AGBL4: variants seen among roughly 807,000 people sequenced by gnomAD.
AGBL4 encodes AGBL carboxypeptidase 4.
In AGBL4, 58 loss-of-function variants were observed where a neutral mutation model predicts 66.4. That is an observed-to-expected ratio of 0.87 (90% CI 0.71 to 1.09). The LOEUF (loss-of-function observed/expected upper bound fraction) is 1.09, where lower values mean the gene tolerates loss of function less well. AGBL4 is among the 50% of genes least tolerant of loss of function. AGBL4 has a pLI of 0.00. For synonymous variants in AGBL4, 234 were observed against 222.9 expected, an observed-to-expected ratio of 1.05 and a Z score of -0.44; for missense variants, 579 against 631.0, an observed-to-expected ratio of 0.92 and a Z score of 0.88.
At chr1:49,244,054 C>A (rs1651442844) in intron 4 of AGBL4, among the ~76,000 whole-genome samples, 2 of 151,632 alleles carry the variant, frequency 1.3e-5, no homozygotes, top group Non-Finnish European at 3.0e-5. Flanking sequence ...AGAGAAGACA[C>A]AACATAGTTC....
intron 1 of AGBL4, among the ~76,000 whole-genome samples, chr1:49,874,275 G>C (rs189370537): frequency 2.0e-4 from 31 of 152,148 alleles, no homozygotes; most frequent in Admixed American, 9.8e-4. Flanking sequence ...TTGCAGTCTT[G>C]GAGTAGGCAA....
At chr1:49,094,008 T>G (rs951387191) in intron 4 of AGBL4, among the ~76,000 whole-genome samples, 2 of 152,184 alleles carry the variant, frequency 1.3e-5, no homozygotes, top group Non-Finnish European at 2.9e-5. Flanking sequence ...TGTGTATAGC[T>G]GTGGATACAG....
At chr1:48,897,979 T>A (rs958061139) in intron 5 of AGBL4, among the ~76,000 whole-genome samples, 3 of 151,894 alleles carry the variant, frequency 2.0e-5, no homozygotes, top group Admixed American at 6.6e-5. Flanking sequence ...CCGGCTAATT[T>A]TTTTTGTATT....
chr1:49,075,585 C>A (rs1346807800), intron 4 of AGBL4, among the ~76,000 whole-genome samples: 1 of 152,000 alleles, frequency 6.6e-6, no homozygotes, highest in Admixed American at 6.6e-5. Flanking sequence ...TAAATGCAGG[C>A]AAACAGCAAT....
intron 3 of AGBL4, among the ~76,000 whole-genome samples, chr1:49,591,128 T>G (rs1220905873): frequency 6.6e-6 from 1 of 151,546 alleles, no homozygotes; most frequent in Non-Finnish European, 1.5e-5. Flanking sequence ...AAGCCCTCAA[T>G]CTAACATAAA....
intron 3 of AGBL4, among the ~76,000 whole-genome samples, chr1:49,400,434 T>G (rs1645060201): frequency 6.6e-6 from 1 of 152,172 alleles, no homozygotes; most frequent in African/African-American, 2.4e-5. Flanking sequence ...ATTGGTATTT[T>G]GATAGGGATT....
intron 3 of AGBL4, among the ~76,000 whole-genome samples, chr1:49,567,608 T>C (rs1241369830): frequency 6.6e-6 from 1 of 152,234 alleles, no homozygotes; most frequent in African/African-American, 2.4e-5. Context: ...TGGGTACATG[T>C]GCAGGTTTGT....
intron 3 of AGBL4, among the ~76,000 whole-genome samples, chr1:49,416,048 T>C (rs1006863710): frequency 6.6e-6 from 1 of 152,084 alleles, no homozygotes; most frequent in African/African-American, 2.4e-5. Flanking sequence ...CAGGGGTCAA[T>C]GTCAAAAATA....
chr1:49,888,889 C>A (rs938775630), intron 1 of AGBL4, among the ~76,000 whole-genome samples: 2 of 152,102 alleles, frequency 1.3e-5, no homozygotes, highest in Non-Finnish European at 2.9e-5. Flanking sequence ...AAAGAACTTA[C>A]TAAGCATGTA....
chr1:49,343,724 C>A (rs1262443029), intron 3 of AGBL4, among the ~76,000 whole-genome samples: 1 of 152,188 alleles, frequency 6.6e-6, no homozygotes, highest in Non-Finnish European at 1.5e-5. Context: ...ACCAAATCTA[C>A]TTCTGTCTGT....
chr1:49,877,303 G>C (rs936127529), intron 1 of AGBL4, among the ~76,000 whole-genome samples: 2 of 151,294 alleles, frequency 1.3e-5, no homozygotes, highest in African/African-American at 4.9e-5. Flanking sequence ...GTTTGTCATA[G>C]ATAGCTCTTA....
rs186739078 is a variant in AGBL4 at position 48,842,011 on chromosome 1, T to A, written c.634+25180A>T. On this transcript the variant is annotated intron_variant, in intron 6 of 13. Transcript: ENST00000371839. Reference sequence around the variant, plus strand: ...CAAAGACCTTACTTTTTAAATTCAGTTTACATTCTGACATGTATACAAATG... The same window carrying A: ...CAAAGACCTTACTTTTTAAATTCAGATTACATTCTGACATGTATACAAATG... 1.5e-4 allele frequency among the ~76,000 whole-genome samples: 23 copies of A among 152,322 alleles called. No homozygotes were observed. In the East Asian group the frequency reaches 3.5e-3, roughly 23 times the overall value.
chr1:49,201,887 G>T (rs922634573), intron 4 of AGBL4, among the ~76,000 whole-genome samples: 1 of 151,982 alleles, frequency 6.6e-6, no homozygotes, highest in Admixed American at 6.6e-5. Flanking sequence ...GCCAGAAAGA[G>T]AGCACATGTA....
intron 2 of AGBL4, among the ~76,000 whole-genome samples, chr1:49,749,450 A>G (rs2147832505): frequency 6.6e-6 from 1 of 152,132 alleles, no homozygotes; most frequent in East Asian, 1.9e-4. Context: ...TAATACTAAA[A>G]CTTTCCTTAT....
At chr1:49,501,495 A>G (rs908999391) in intron 3 of AGBL4, among the ~76,000 whole-genome samples, 1 of 151,610 alleles carries the variant, frequency 6.6e-6, no homozygotes, top group Non-Finnish European at 1.5e-5. Context: ...TATCAGTGGT[A>G]ATGTCTTTTC....
chr1:49,994,439 T>G (rs1333021702), intron 1 of AGBL4: 1 of 150,818 alleles, frequency 6.6e-6, no homozygotes, highest in Non-Finnish European at 1.5e-5. Flanking sequence ...AGGGCAGAGG[T>G]GTGGTAACAC....
At chr1:48,805,518 C>A (rs564465918) in intron 6 of AGBL4, among the ~76,000 whole-genome samples, 1 of 152,244 alleles carries the variant, frequency 6.6e-6, no homozygotes, top group Non-Finnish European at 1.5e-5. Context: ...CCTAAGATTT[C>A]ATAGTCAAAG....
intron 5 of AGBL4, among the ~76,000 whole-genome samples, chr1:48,919,574 G>A (rs1011196739): frequency 6.6e-6 from 1 of 152,198 alleles, no homozygotes; most frequent in Non-Finnish European, 1.5e-5. Context: ...AAGAAAGAAA[G>A]TCAGACACCT....
intron 3 of AGBL4, among the ~76,000 whole-genome samples, chr1:49,459,079 G>T: frequency 6.8e-6 from 1 of 147,778 alleles, no homozygotes; most frequent in Non-Finnish European, 1.5e-5. Flanking sequence ...CTTGTTAATT[G>T]CTTCTTTCGT....
Sources: gnomAD v4.1 joint callset for allele counts (sites outside exome capture counted in the v4.1 genomes callset) on GRCh38, gnomAD v4.1.1 for gene constraint, MANE v1.5 for transcripts, NCBI Gene and HGNC (gene_info 2026-07-23, HGNC 2026-07-21) for gene names.